COL24A1: variants seen among roughly 807,000 people sequenced by gnomAD.
COL24A1 encodes collagen alpha-1(XXIV) chain.
In COL24A1, 224 loss-of-function variants were observed where a neutral mutation model predicts 253.9. The ratio of observed to expected loss-of-function variants is 0.88; its 90% confidence interval spans 0.79 to 0.99. COL24A1 has a LOEUF of 0.99. Among genes scored for constraint, COL24A1 ranks in the 50% least tolerant of loss-of-function variants. The pLI is 0.00. For synonymous variants in COL24A1, 685 were observed against 673.7 expected (o/e 1.02, Z -0.26); for missense variants, 2,131 against 2,068.5 (o/e 1.03, Z -0.59).
At chr1:86,042,239 G>A (rs747797103) in intron 12 of COL24A1, among the ~76,000 whole-genome samples, 5 of 151,958 alleles carry the variant, frequency 3.3e-5, no homozygotes, top group Admixed American at 6.6e-5. Context: ...AAAACATTTC[G>A]AATGCCAACA....
intron 53 of COL24A1, among the ~76,000 whole-genome samples, chr1:85,764,246 G>T (rs186615501): frequency 1.0e-3 from 154 of 152,094 alleles, no homozygotes; most frequent in Non-Finnish European, 1.5e-3. Flanking sequence ...TGTCTCCTAG[G>T]GTGGTAGGGG....
At chr1:85,939,630 G>T (rs1342913559) in intron 24 of COL24A1, among the ~76,000 whole-genome samples, 2 of 152,072 alleles carry the variant, frequency 1.3e-5, no homozygotes, top group Non-Finnish European at 2.9e-5. Flanking sequence ...AAAACTTATA[G>T]AGCTCACCAA....
At chr1:86,005,993 A>G (rs1695919466) in intron 19 of COL24A1, among the ~76,000 whole-genome samples, 1 of 152,210 alleles carries the variant, frequency 6.6e-6, no homozygotes, top group African/African-American at 2.4e-5. Context: ...AGCACCAACT[A>G]ATACTTAGTT....
intron 20 of COL24A1, among the ~76,000 whole-genome samples, chr1:85,975,329 G>C (rs1056970510): frequency 2.0e-5 from 3 of 152,112 alleles, no homozygotes; most frequent in African/African-American, 7.2e-5. Flanking sequence ...TTATTGCAGT[G>C]TTACTCACAA....
intron 10 of COL24A1, among the ~76,000 whole-genome samples, chr1:86,052,612 A>C (rs1341930106): frequency 6.6e-6 from 1 of 152,046 alleles, no homozygotes; most frequent in Non-Finnish European, 1.5e-5. Context: ...TTGGGTACAG[A>C]GTTTCAGTTT....
chr1:86,106,874 G>T (rs762200274), intron 5 of COL24A1, among the ~76,000 whole-genome samples: 6 of 152,086 alleles, frequency 3.9e-5, no homozygotes, highest in African/African-American at 1.2e-4. Flanking sequence ...TTTACATGCT[G>T]AGAAAAATTG....
At chr1:86,061,949 G>A (rs1006102707) in intron 8 of COL24A1, among the ~76,000 whole-genome samples, 8 of 151,892 alleles carry the variant, frequency 5.3e-5, no homozygotes, top group African/African-American at 1.5e-4. Context: ...TCAGAATTCC[G>A]GCACTGCTCC....
chr1:85,827,984 T>C (rs1309250290), intron 43 of COL24A1, among the ~76,000 whole-genome samples: 2 of 152,066 alleles, frequency 1.3e-5, no homozygotes. Flanking sequence ...TGTTTGCTCT[T>C]GCTTTTCTAG....
chr1:86,131,513 TC>T (rs994982972), intron 2 of COL24A1, among the ~76,000 whole-genome samples: 3 of 99,458 alleles, frequency 3.0e-5, no homozygotes, highest in African/African-American at 4.0e-5. Flanking sequence ...CCCTCCCCCC[TC>T]CCCCCACCCC....
chr1:86,063,662 C>T, intron 8 of COL24A1, 53 bp downstream of exon 8: 1 of 1,323,374 alleles, frequency 7.6e-7, no homozygotes, highest in Non-Finnish European at 1.0e-6. Context: ...AAGGAGTTCT[C>T]TAACATGTGT....
intron 20 of COL24A1, among the ~76,000 whole-genome samples, chr1:85,982,077 T>C (rs578174278): frequency 1.3e-3 from 195 of 152,206 alleles, no homozygotes; most frequent in African/African-American, 4.5e-3. Context: ...CAATGGAATA[T>C]TATTCAGCCA....
At chr1:85,731,346 T>A (rs2100776778) in intron 59 of COL24A1, among the ~76,000 whole-genome samples, 1 of 152,330 alleles carries the variant, frequency 6.6e-6, no homozygotes, top group African/African-American at 2.4e-5. Context: ...TGTGGAGCTG[T>A]TATTTAGGAG....
intron 22 of COL24A1, among the ~76,000 whole-genome samples, chr1:85,968,991 A>G (rs1315767687): frequency 1.3e-5 from 2 of 152,182 alleles, no homozygotes; most frequent in Non-Finnish European, 2.9e-5. Context: ...AGTTGTTTTC[A>G]GGATTAAAGA....
At chr1:85,909,648 A>C (rs1685177900) in intron 26 of COL24A1, among the ~76,000 whole-genome samples, 1 of 151,850 alleles carries the variant, frequency 6.6e-6, no homozygotes, top group South Asian at 2.1e-4. Context: ...TACAATCCGA[A>C]GAGAAATCAC....
chr1:85,979,154 C>T (rs1039641546), intron 20 of COL24A1, among the ~76,000 whole-genome samples: 5 of 152,092 alleles, frequency 3.3e-5, no homozygotes, highest in African/African-American at 1.2e-4. Context: ...ATAATAGTGA[C>T]ACAACCTATG....
At chr1:85,856,619 C>G (rs956379326) in intron 37 of COL24A1, among the ~76,000 whole-genome samples, 4 of 152,108 alleles carry the variant, frequency 2.6e-5, no homozygotes, top group African/African-American at 9.7e-5. Context: ...GTATGTTAAA[C>G]TTTACGCGTC....
intron 32 of COL24A1, among the ~76,000 whole-genome samples, chr1:85,888,575 G>A (rs910144232): frequency 2.6e-5 from 4 of 151,996 alleles, no homozygotes; most frequent in African/African-American, 9.7e-5. Flanking sequence ...ATTATTTTAG[G>A]TCAGATAAAT....
chr1:85,898,272 C>T (rs1235245129), intron 28 of COL24A1, among the ~76,000 whole-genome samples: 3 of 152,216 alleles, frequency 2.0e-5, no homozygotes, highest in Middle Eastern at 6.8e-3. Flanking sequence ...CTCTTGTATC[C>T]CATCTGAGAT....
chr1:85,756,301 C>A (rs903157928), intron 55 of COL24A1, among the ~76,000 whole-genome samples: 1 of 151,996 alleles, frequency 6.6e-6, no homozygotes, highest in Admixed American at 6.5e-5. Flanking sequence ...CACCTGTAAT[C>A]CCAGCTACTC....
Sources: allele counts gnomAD v4.1 joint callset (sites outside exome capture counted in the v4.1 genomes callset), GRCh38; gene constraint gnomAD v4.1.1; transcripts MANE v1.5; gene names NCBI Gene and HGNC (gene_info 2026-07-23, HGNC 2026-07-21).